Variants in SFMBT1 observed in about 807,000 individuals in gnomAD.
SFMBT1 encodes scm-like with four MBT domains protein 1.
Under a neutral mutation model 108.7 loss-of-function variants are expected in SFMBT1, and 32 were observed. The observed-to-expected ratio is 0.29, with a 90% CI of 0.22 to 0.40. The LOEUF is 0.40. Ranked by LOEUF, SFMBT1 falls within the 10% of genes least tolerant of loss-of-function variation. The pLI, the probability that SFMBT1 is intolerant of heterozygous loss-of-function variation, is 1.00. For missense variants in SFMBT1, 816 were observed against 1,059.6 expected, an observed-to-expected ratio of 0.77 and a Z score of 3.19; for synonymous variants, 348 against 369.5, an observed-to-expected ratio of 0.94 and a Z score of 0.67.
At chr3:52,916,982 A>C (rs1471959028) in intron 13 of SFMBT1, among the ~76,000 whole-genome samples, 1 of 152,198 alleles carries the variant, frequency 6.6e-6, no homozygotes, top group Non-Finnish European at 1.5e-5. Context: ...TTAAAAAAAA[A>C]CAGAGGCTTA....
chr3:52,905,706 A>G (rs902218352), intron 20 of SFMBT1, among the ~76,000 whole-genome samples: 1 of 152,242 alleles, frequency 6.6e-6, no homozygotes, highest in Admixed American at 6.5e-5. Context: ...CTAATTTTCT[A>G]AACAAAACTT....
chr3:53,033,333 G>C (rs1192188279), intron 1 of SFMBT1, among the ~76,000 whole-genome samples: 1 of 151,952 alleles, frequency 6.6e-6, no homozygotes, highest in East Asian at 1.9e-4. Flanking sequence ...GCTAACTTTT[G>C]TATTTTTAGT....
chr3:53,016,164 A>C (rs1179036617), intron 1 of SFMBT1, among the ~76,000 whole-genome samples: 19 of 152,194 alleles, frequency 1.2e-4, no homozygotes, highest in South Asian at 2.1e-4. Flanking sequence ...AGTGAAAAAA[A>C]AAAACAAAAC....
At chr3:52,993,270 T>C (rs1207480203) in intron 1 of SFMBT1, among the ~76,000 whole-genome samples, 1 of 150,156 alleles carries the variant, frequency 6.7e-6, no homozygotes, top group Non-Finnish European at 1.5e-5. Context: ...TTTAGTTACA[T>C]GTTTTCTTGA....
chr3:52,932,229 C>T lies in SFMBT1; in HGVS notation c.533G>A (p.Ser178Asn), dbSNP rs1440817357. ...TTCTACTACAGTAACAATCCAAGTG[C>T]TTAAAGAGTCCTGGAAAGCTTGACA... ...LECQAFQDSL[S>N]TWIVTVVENI... The change falls in exon 6 of 21, where the codon AGC becomes AAC. Residue 178 changes from serine to asparagine, a missense_variant. Transcript: ENST00000394752. 2 of 1,614,164 alleles carry T rather than the reference C, an allele frequency of 1.2e-6. No individual in the cohort carries two copies. The highest frequency in any genetic ancestry group is 1.7e-6 in the Non-Finnish European group (2 of 1,180,018).
chr3:53,044,682 T>C (rs565632578), intron 1 of SFMBT1, among the ~76,000 whole-genome samples: 5 of 152,212 alleles, frequency 3.3e-5, no homozygotes, highest in Admixed American at 6.5e-5. Context: ...TACGCAGGGA[T>C]TGACAAAATC....
At chr3:52,943,255 C>A in intron 4 of SFMBT1, 98 bp downstream of exon 4, 1 of 1,455,316 alleles carries the variant, frequency 6.9e-7, no homozygotes, top group South Asian at 1.3e-5. Context: ...GCTGGGTAAA[C>A]CTATATGCTC....
rs954215862 is a variant in SFMBT1 at position 52,999,831 on chromosome 3, A to G, written c.-130-30573T>C. Among the ~76,000 whole-genome samples the G allele has an allele frequency of 1.3e-5, 2 of 150,092 alleles. 1 individual carries two copies. Among genetic ancestry groups the G allele is most frequent in the Non-Finnish European group, 3.0e-5 (2 of 66,976 alleles). ...TCTACAGACCAAGCAAGGAGACCCC[A>G]TGACCCATGGCATGAAATCATCTTG... is the stretch of plus-strand genomic sequence containing the variant. On this transcript the variant is annotated intron_variant, in intron 1 of 20. Coordinates refer to ENST00000394752, the MANE Select transcript of SFMBT1 (RefSeq NM_016329.4).
At position 53,024,822 on chromosome 3, in the gene SFMBT1, C is replaced by A. The variant is rs572184708; in HGVS notation, c.-131+20994G>T. On this transcript the variant is annotated intron_variant, in intron 1 of 20. Transcript: ENST00000394752. ...ACTCCTACCAGGTGTAAGAATATAA[C>A]GAATATTATAGAATTATTTAATTAT... Among the ~76,000 whole-genome samples the A allele has an allele frequency of 3.9e-5, 6 of 152,068 alleles. No individual in the cohort carries two copies. In the East Asian group the frequency reaches 9.7e-4, roughly 24 times the overall value.
intron 2 of SFMBT1, among the ~76,000 whole-genome samples, chr3:52,967,167 C>CA (rs1358500346): frequency 2.0e-5 from 3 of 151,778 alleles, no homozygotes; most frequent in African/African-American, 7.3e-5. Flanking sequence ...AATAAATAAG[C>CA]AAAAAAGGCA....
intron 1 of SFMBT1, among the ~76,000 whole-genome samples, chr3:52,995,286 CATAA>C (rs1392828183): frequency 1.3e-5 from 2 of 150,230 alleles, no homozygotes; most frequent in African/African-American, 4.8e-5. Context: ...TCATACCATA[CATAA>C]AAACTCAAAA....
chr3:52,914,438 T>C (rs1300307200), intron 14 of SFMBT1, among the ~76,000 whole-genome samples: 1 of 152,132 alleles, frequency 6.6e-6, no homozygotes, highest in African/African-American at 2.4e-5. Flanking sequence ...TAATTAAGAA[T>C]AGTCACAGCC....
chr3:52,956,228 G>A (rs568217118), intron 2 of SFMBT1, among the ~76,000 whole-genome samples: 13 of 152,302 alleles, frequency 8.5e-5, no homozygotes, highest in Middle Eastern at 3.4e-3. Flanking sequence ...GTGGGAGACC[G>A]CGGCAGGCAG....
At chr3:53,000,024 G>A (rs542023781) in intron 1 of SFMBT1, among the ~76,000 whole-genome samples, 6 of 149,886 alleles carry the variant, frequency 4.0e-5, no homozygotes, top group African/African-American at 9.7e-5. Context: ...ACATCAGCCC[G>A]GCTAATTTTT....
chr3:53,020,733 G>A (rs553041967), intron 1 of SFMBT1, among the ~76,000 whole-genome samples: 1 of 152,164 alleles, frequency 6.6e-6, no homozygotes, highest in Non-Finnish European at 1.5e-5. Flanking sequence ...CTTCCACCCA[G>A]AGTTTTGTAA....
intron 1 of SFMBT1, among the ~76,000 whole-genome samples, chr3:53,031,509 T>C (rs1699685040): frequency 2.0e-5 from 3 of 151,656 alleles, no homozygotes; most frequent in Admixed American, 6.6e-5. Flanking sequence ...TTCATCAAAA[T>C]AGATATTTAA....
chr3:52,909,303 T>C (rs974890238), intron 17 of SFMBT1, among the ~76,000 whole-genome samples: 5 of 152,232 alleles, frequency 3.3e-5, no homozygotes, highest in African/African-American at 9.6e-5. Flanking sequence ...TGCATTTACA[T>C]GAATAGTATT....
intron 1 of SFMBT1, among the ~76,000 whole-genome samples, chr3:53,023,516 TTAAA>T (rs1699382344): frequency 6.6e-6 from 1 of 152,214 alleles, no homozygotes; most frequent in African/African-American, 2.4e-5. Context: ...CATACATGAA[TTAAA>T]TAAATACCAT....
At chr3:53,004,769 C>T (rs1698681574) in intron 1 of SFMBT1, among the ~76,000 whole-genome samples, 2 of 144,634 alleles carry the variant, frequency 1.4e-5, no homozygotes, top group South Asian at 4.4e-4. Context: ...ACCTGTGTAA[C>T]ATAGGGCCTC....
Sources: gnomAD v4.1 joint callset for allele counts (sites outside exome capture counted in the v4.1 genomes callset) on GRCh38, gnomAD v4.1.1 for gene constraint, MANE v1.5 for transcripts, NCBI Gene and HGNC (gene_info 2026-07-23, HGNC 2026-07-21) for gene names.